CEMIP2: variants seen among roughly 807,000 people sequenced by gnomAD.
CEMIP2 encodes cell migration inducing hyaluronidase 2.
CEMIP2 carries 79 observed loss-of-function variants against 146.9 expected under a neutral mutation model. The observed-to-expected ratio is 0.54, with a 90% CI of 0.45 to 0.65. CEMIP2 has a LOEUF of 0.65. Among genes scored for constraint, CEMIP2 ranks in the 30% least tolerant of loss-of-function variants. The pLI is 0.00. For missense variants in CEMIP2, 1,596 were observed against 1,696.2 expected (o/e 0.94, Z 1.04); for synonymous variants, 601 against 606.3 (o/e 0.99, Z 0.13).
chr9:71,696,883 G>GA (rs56785036), intron 20 of CEMIP2, among the ~76,000 whole-genome samples: 47,171 of 147,318 alleles, frequency 0.32, 8,225 homozygotes, highest in Non-Finnish European at 0.4. Context: ...TATAAATAAT[G>GA]AAAAAAAAAA....
At position 71,730,065 on chromosome 9, in the gene CEMIP2, C is replaced by T. The variant is rs1279274636; in HGVS notation, c.1962G>A (p.Val654=). The part of the protein sequence containing the change: ...RDKVFGNYIP[V]PATDCMAVST... Reference sequence around the variant, plus strand: ...TTACTCACATACAGTCAGTAGCAGGCACAGGAATGTAATTTCCAAACACTT... The same window carrying T: ...TTACTCACATACAGTCAGTAGCAGGTACAGGAATGTAATTTCCAAACACTT... Residue 654 remains valine, a synonymous_variant, in exon 9 of 24, where the codon GTG becomes GTA. Transcript: ENST00000377044. 1.2e-6 allele frequency: 2 copies of T among 1,614,084 alleles called. No individual in the cohort carries two copies. Among genetic ancestry groups the T allele is most frequent in the African/African-American group, 2.7e-5 (2 of 74,918 alleles).
In CEMIP2 at chr9:71,729,933, G is replaced by A. The variant is rs1823564961; in HGVS notation, c.1980-19C>T. 6.2e-7 allele frequency: 1 copy of A among 1,613,840 alleles called. No individual in the cohort carries two copies. Among genetic ancestry groups the A allele is most frequent in the African/African-American group, 1.3e-5 (1 of 75,014 alleles). On this transcript the variant is annotated intron_variant, in intron 9 of 23. Transcript: ENST00000377044. ...AACAGCCCTGCAAGGCATTTTTCAA[G>A]GTGATTTAAACATTCTTCATAAAAA...
intron 12 of CEMIP2, among the ~76,000 whole-genome samples, chr9:71,720,899 GAAGA>G (rs1823214747): frequency 6.6e-6 from 1 of 152,184 alleles, no homozygotes; most frequent in South Asian, 2.1e-4. Context: ...ATAATGGAGA[GAAGA>G]AAGATAACCA....
At position 71,722,492 on chromosome 9, in the gene CEMIP2, A is replaced by G; in HGVS notation, c.2202T>C (p.Gly734=). 1 of 1,613,532 alleles carries G rather than the reference A, an allele frequency of 6.2e-7. No individual in the cohort carries two copies. The highest frequency in any genetic ancestry group is 8.5e-7 in the Non-Finnish European group (1 of 1,179,748). Residue 734 remains glycine (G), a synonymous_variant, in exon 12 of 24, where the codon GGT becomes GGC. Transcript: ENST00000377044. ...CAGCACTAGAGTTGGTTGTTTTGAC[A>G]CCTTTGTCAATAAATAAGCCAGCCT... ...NFKAGLFIDK[G]VKTTNSSAAD...
intron 7 of CEMIP2, 110 bp from the exon 8 acceptor site, chr9:71,731,024 G>T (rs2274696): frequency 2.3e-6 from 2 of 859,982 alleles, no homozygotes; most frequent in South Asian, 1.8e-5. Context: ...TAAAACATTC[G>T]ATTTTCTTTT....
chr9:71,741,613 A>G (rs866585831), intron 4 of CEMIP2, among the ~76,000 whole-genome samples: 3 of 92,386 alleles, frequency 3.2e-5, no homozygotes, highest in Admixed American at 3.0e-4. Context: ...AAACACCATT[A>G]TTTCTTTTTC....
In CEMIP2 at chr9:71,709,281, A is replaced by G. The variant is rs1168837467; in HGVS notation, c.2963T>C (p.Ile988Thr). The change falls in exon 17 of 24, where the codon ATC (isoleucine) becomes ACC (threonine). Residue 988 changes from isoleucine (I) to threonine (T), a missense_variant. Physicochemically the swap from Ile to Thr is moderately conservative, Grantham distance 89. Coordinates refer to ENST00000377044, the MANE Select transcript of CEMIP2 (RefSeq NM_013390.3). ...CVNVSKWNAV[I>T]CSGTYAQVYV... is the part of the protein sequence containing the mutation. Reference sequence around the variant, plus strand: ...TACCTGTGCATAGGTCCCACTGCAGATCACTGCATTCCACTTAGACACATT... The same window carrying G: ...TACCTGTGCATAGGTCCCACTGCAGGTCACTGCATTCCACTTAGACACATT... 1.2e-6 allele frequency: 2 copies of G among 1,614,212 alleles called. No individual in the cohort carries two copies. Among genetic ancestry groups the G allele is most frequent in the Non-Finnish European group, 1.7e-6 (2 of 1,180,024 alleles).
rs1554682972 is a variant in CEMIP2 at position 71,715,625 on chromosome 9, G to GATATACATATAT, written c.2436-537_2436-536insATATATGTATAT. 5.4e-3 allele frequency among the ~76,000 whole-genome samples: 648 copies of GATATACATATAT among 119,068 alleles called. 6 individuals are homozygous for GATATACATATAT. The highest frequency in any genetic ancestry group is 8.3e-3 in the Non-Finnish European group (475 of 57,146). 78.1% of individuals were successfully genotyped at this position (119,068 alleles called of 152,430 possible). ...ATATACATACATATATCCCTCTTAA[G>GATATACATATAT]ATATATATATATATATATATATACT... On this transcript the variant is annotated intron_variant, in intron 14 of 23. Transcript: ENST00000377044.
chr9:71,766,068 TTTTC>T (rs1389725676), intron 1 of CEMIP2, among the ~76,000 whole-genome samples: 1 of 149,724 alleles, frequency 6.7e-6, no homozygotes, highest in African/African-American at 2.5e-5. Flanking sequence ...TTCTTCTTTT[TTTTC>T]TTTTTTTTTT....
chr9:71,749,839 A>G (rs1024319673), intron 2 of CEMIP2, among the ~76,000 whole-genome samples: 3 of 152,232 alleles, frequency 2.0e-5, no homozygotes, highest in African/African-American at 7.2e-5. Flanking sequence ...AAAGTGGCAC[A>G]ATGGACAGGA....
intron 13 of CEMIP2, among the ~76,000 whole-genome samples, chr9:71,717,140 C>T (rs1823080789): frequency 6.6e-6 from 1 of 152,138 alleles, no homozygotes; most frequent in South Asian, 2.1e-4. Context: ...CCACTGAACT[C>T]TAGCCTGGGT....
chr9:71,715,424 T>G (rs1589140721), intron 14 of CEMIP2, among the ~76,000 whole-genome samples: 1 of 151,014 alleles, frequency 6.6e-6, no homozygotes, highest in East Asian at 1.9e-4. Context: ...TTTAAAATTT[T>G]TGTGGAGATG....
At position 71,712,100 on chromosome 9, in the gene CEMIP2, C is replaced by A. The variant is rs367858637; in HGVS notation, c.2752G>T (p.Val918Leu). 3.7e-6 allele frequency: 6 copies of A among 1,613,940 alleles called. No individual in the cohort carries two copies. The highest frequency in any genetic ancestry group is 2.2e-5 in the East Asian group (1 of 44,884). The change falls in exon 16 of 24, where the codon GTG (valine) becomes TTG (leucine). Residue 918 changes from valine (V) to leucine (L), a missense_variant. Transcript: ENST00000377044. ...QITPRNNISL[V>L]KFGPHVSLNV... is the part of the protein sequence containing the mutation. ...ATACTTACATGTGGACCAAACTTCA[C>A]GAGGGAGATATTATTCCTGGGGGTT...
intron 4 of CEMIP2, among the ~76,000 whole-genome samples, chr9:71,742,269 A>G (rs1442276795): frequency 1.3e-5 from 2 of 152,254 alleles, no homozygotes; most frequent in Non-Finnish European, 2.9e-5. Context: ...TTGATAAAGC[A>G]GAAAGAATCA....
intron 20 of CEMIP2, among the ~76,000 whole-genome samples, chr9:71,695,675 AAAAAAAC>A (rs1822379124): frequency 6.6e-6 from 1 of 152,136 alleles, no homozygotes; most frequent in Non-Finnish European, 1.5e-5. Flanking sequence ...CTCCATCTCA[AAAAAAAC>A]AAAAAACAAA....
chr9:71,697,581 A>G (rs1461220084), intron 20 of CEMIP2, among the ~76,000 whole-genome samples: 7 of 152,344 alleles, frequency 4.6e-5, no homozygotes, highest in Admixed American at 2.6e-4. Flanking sequence ...AACAATTTTC[A>G]TATTAGCTGT....
chr9:71,761,669 T>C (rs547579363), intron 1 of CEMIP2, among the ~76,000 whole-genome samples: 5 of 152,298 alleles, frequency 3.3e-5, no homozygotes, highest in African/African-American at 1.2e-4. Flanking sequence ...GCATCTCTTA[T>C]GAGAAAAGGG....
intron 1 of CEMIP2, among the ~76,000 whole-genome samples, chr9:71,762,522 A>AAAAAC (rs1554690023): frequency 6.6e-6 from 1 of 151,152 alleles, no homozygotes; most frequent in Non-Finnish European, 1.5e-5. Context: ...AAAAAAAAAA[A>AAAAAC]AAAACTGGCT....
intron 8 of CEMIP2, 78 bp from the exon 9 acceptor site, chr9:71,730,331 G>T: frequency 7.1e-7 from 1 of 1,406,826 alleles, no homozygotes; most frequent in Non-Finnish European, 9.9e-7. Context: ...ATCCAGTGTA[G>T]CATGTTCAGT....
Sources: allele counts gnomAD v4.1 joint callset (sites outside exome capture counted in the v4.1 genomes callset), GRCh38; gene constraint gnomAD v4.1.1; transcripts MANE v1.5; gene names NCBI Gene and HGNC (gene_info 2026-07-23, HGNC 2026-07-21).